Variants in LOC128462377 observed in about 807,000 individuals in gnomAD.
chr16:89,403,005 C>A, the LOC128462377 span, among the ~76,000 whole-genome samples: 1 of 152,180 alleles, frequency 6.6e-6, no homozygotes, highest in Admixed American at 6.5e-5. Flanking sequence ...GTCACCTCAG[C>A]CCCACCATCA....
the LOC128462377 span, among the ~76,000 whole-genome samples, chr16:89,334,166 A>AC: frequency 1.4e-5 from 2 of 145,930 alleles, no homozygotes; most frequent in African/African-American, 2.5e-5. Flanking sequence ...AAAAAAAAAA[A>AC]AAAAAAACAG....
At chr16:89,385,059 T>A in the LOC128462377 span, among the ~76,000 whole-genome samples, 2 of 151,942 alleles carry the variant, frequency 1.3e-5, no homozygotes, top group African/African-American at 4.8e-5. Context: ...CTAATTTTTG[T>A]ATTTTTAGTA....
At chr16:89,350,749 C>T in the LOC128462377 span, among the ~76,000 whole-genome samples, 3 of 152,130 alleles carry the variant, frequency 2.0e-5, no homozygotes, top group Non-Finnish European at 4.4e-5. Context: ...CAACTGATTC[C>T]TTAAAACTCT....
chr16:89,337,469 C>T, the LOC128462377 span, among the ~76,000 whole-genome samples: 1 of 108,006 alleles, frequency 9.3e-6, no homozygotes, highest in African/African-American at 3.4e-5. Flanking sequence ...GACAGTCTCC[C>T]TCTGTCGCCC....
the LOC128462377 span, among the ~76,000 whole-genome samples, chr16:89,351,005 T>C: frequency 6.6e-6 from 1 of 152,208 alleles, no homozygotes; most frequent in South Asian, 2.1e-4. Context: ...CACTCTGTGA[T>C]GCTCAGAGGA....
At chr16:89,395,280 G>T in the LOC128462377 span, among the ~76,000 whole-genome samples, 1 of 152,366 alleles carries the variant, frequency 6.6e-6, no homozygotes, top group African/African-American at 2.4e-5. Context: ...TACTGCCAGA[G>T]GAATGGGCTG....
the LOC128462377 span, among the ~76,000 whole-genome samples, chr16:89,318,626 G>C: frequency 6.6e-6 from 1 of 152,214 alleles, no homozygotes; most frequent in Non-Finnish European, 1.5e-5. Flanking sequence ...TAAAGGATAC[G>C]TTGCATGCCA....
the LOC128462377 span, among the ~76,000 whole-genome samples, chr16:89,356,659 T>C: frequency 6.7e-6 from 1 of 149,300 alleles, no homozygotes; most frequent in Non-Finnish European, 1.5e-5. Flanking sequence ...TGGGTGCCTG[T>C]AGTCCCAGCT....
At chr16:89,394,660 A>G in the LOC128462377 span, among the ~76,000 whole-genome samples, 1 of 151,396 alleles carries the variant, frequency 6.6e-6, no homozygotes, top group East Asian at 1.9e-4. Context: ...CCTTTTGTGG[A>G]AAAACGAGTG....
At chr16:89,339,402 A>G in the LOC128462377 span, among the ~76,000 whole-genome samples, 1 of 152,218 alleles carries the variant, frequency 6.6e-6, no homozygotes, top group African/African-American at 2.4e-5. Flanking sequence ...AAGAACTGGG[A>G]AAGCTGGTCG....
the LOC128462377 span, among the ~76,000 whole-genome samples, chr16:89,384,269 G>A: frequency 1.3e-5 from 2 of 152,150 alleles, no homozygotes; most frequent in African/African-American, 2.4e-5. Context: ...GGTGGCTCAC[G>A]CCTGTAATCC....
chr16:89,372,153 A>G, the LOC128462377 span, among the ~76,000 whole-genome samples: 1 of 152,340 alleles, frequency 6.6e-6, no homozygotes, highest in East Asian at 1.9e-4. Flanking sequence ...TGGCCTGGGA[A>G]GAAGGACCGG....
the LOC128462377 span, among the ~76,000 whole-genome samples, chr16:89,368,114 C>T: frequency 2.0e-5 from 3 of 152,200 alleles, no homozygotes; most frequent in Non-Finnish European, 2.9e-5. Flanking sequence ...GCTCACTACG[C>T]TACTCATTGG....
chr16:89,405,992 C>G, the LOC128462377 span, among the ~76,000 whole-genome samples: 1 of 151,856 alleles, frequency 6.6e-6, no homozygotes, highest in African/African-American at 2.4e-5. Context: ...CACCTGCAAT[C>G]TCGGCTACTC....
chr16:89,350,190 G>A, the LOC128462377 span, among the ~76,000 whole-genome samples: 12 of 152,160 alleles, frequency 7.9e-5, no homozygotes, highest in African/African-American at 1.9e-4. Flanking sequence ...ACCATGTAAC[G>A]GCAAGGACAG....
the LOC128462377 span, among the ~76,000 whole-genome samples, chr16:89,362,131 C>T: frequency 1.8e-4 from 28 of 152,378 alleles, no homozygotes; most frequent in African/African-American, 6.3e-4. Flanking sequence ...CCCAATCTGA[C>T]ATGTGGCTTA....
At chr16:89,416,844 T>G in the LOC128462377 span, among the ~76,000 whole-genome samples, 2 of 152,118 alleles carry the variant, frequency 1.3e-5, no homozygotes, top group East Asian at 3.9e-4. Context: ...AGCAGTATCC[T>G]TTTCACAAAG....
chr16:89,404,146 A>T, the LOC128462377 span, among the ~76,000 whole-genome samples: 1 of 152,124 alleles, frequency 6.6e-6, no homozygotes, highest in African/African-American at 2.4e-5. Context: ...GCACCAACAG[A>T]CAGTCATGGA....
At chr16:89,335,359 G>T in the LOC128462377 span, among the ~76,000 whole-genome samples, 2 of 152,220 alleles carry the variant, frequency 1.3e-5, no homozygotes, top group Non-Finnish European at 2.9e-5. Context: ...CCACACCGAG[G>T]CATCCGTGAG....
Sources: allele counts gnomAD v4.1 joint callset (sites outside exome capture counted in the v4.1 genomes callset), GRCh38; gene constraint gnomAD v4.1.1; transcripts MANE v1.5.